FBXL7: variants seen among roughly 807,000 people sequenced by gnomAD.
FBXL7 encodes the protein F-box/LRR-repeat protein 7.
FBXL7 carries 12 observed loss-of-function variants against 38.3 expected under a neutral mutation model. The ratio of observed to expected loss-of-function variants is 0.31; its 90% CI spans 0.20 to 0.51. The LOEUF (loss-of-function observed/expected upper bound fraction) is 0.51, where lower values mean the gene tolerates loss of function less well. FBXL7 is among the 20% of genes least tolerant of loss of function. The pLI is 0.98. For synonymous variants in FBXL7, 297 were observed against 300.9 expected (o/e 0.99, Z 0.13); for missense variants, 567 against 676.4 (o/e 0.84, Z 1.79).
chr5:15,524,470 A>G (rs1737194864), intron 1 of FBXL7, among the ~76,000 whole-genome samples: 1 of 152,184 alleles, frequency 6.6e-6, no homozygotes, highest in Non-Finnish European at 1.5e-5. Flanking sequence ...TCTCTTTTGA[A>G]TCAAAATGGT....
At chr5:15,795,274 T>C (rs1163997481) in intron 2 of FBXL7, among the ~76,000 whole-genome samples, 2 of 152,194 alleles carry the variant, frequency 1.3e-5, no homozygotes, top group Non-Finnish European at 2.9e-5. Flanking sequence ...GAGGAAGTAA[T>C]AGGTATTTAC....
intron 2 of FBXL7, among the ~76,000 whole-genome samples, chr5:15,617,888 C>G (rs1740506982): frequency 6.6e-6 from 1 of 152,196 alleles, no homozygotes; most frequent in South Asian, 2.1e-4. Flanking sequence ...GTCACCATAA[C>G]TTGTCTAATT....
rs1229176935 is a variant in FBXL7 at position 15,673,018 on chromosome 5, T to A, written c.127+56946T>A. 3.3e-5 allele frequency among the ~76,000 whole-genome samples: 5 copies of A among 152,138 alleles called. No homozygotes were observed. The East Asian group carries it at 9.7e-4, about 29-fold the overall frequency. ...GTTCTGAACGGTATTCCGTGGAGTT[T>A]CCTTGGATCCTTAAAACCCATATAG... On this transcript the variant is annotated intron_variant, in intron 2 of 3. Coordinates refer to ENST00000504595, the MANE Select transcript of FBXL7 (RefSeq NM_012304.5).
intron 2 of FBXL7, among the ~76,000 whole-genome samples, chr5:15,879,107 C>G (rs1329126050): frequency 6.6e-6 from 1 of 152,266 alleles, no homozygotes; most frequent in South Asian, 2.1e-4. Context: ...ATGATGAAAG[C>G]TAGTGCATTA....
chr5:15,847,900 G>T (rs1738961470), intron 2 of FBXL7, among the ~76,000 whole-genome samples: 1 of 152,150 alleles, frequency 6.6e-6, no homozygotes, highest in African/African-American at 2.4e-5. Flanking sequence ...TAGTCTTACT[G>T]CCAAAAGGAC....
chr5:15,899,829 G>A (rs1741192369), intron 2 of FBXL7, among the ~76,000 whole-genome samples: 1 of 152,100 alleles, frequency 6.6e-6, no homozygotes, highest in African/African-American at 2.4e-5. Context: ...CTTATTATAA[G>A]AATGTTGGTG....
chr5:15,652,092 T>C (rs1336256303), intron 2 of FBXL7, among the ~76,000 whole-genome samples: 1 of 152,186 alleles, frequency 6.6e-6, no homozygotes, highest in Admixed American at 6.5e-5. Context: ...TCAATCTTCA[T>C]AGAATTAAAG....
At chr5:15,922,427 C>T (rs1156357474) in intron 2 of FBXL7, among the ~76,000 whole-genome samples, 1 of 152,026 alleles carries the variant, frequency 6.6e-6, no homozygotes, top group Admixed American at 6.6e-5. Context: ...TGTTTCTTGC[C>T]AGGGATGCTG....
chr5:15,600,110 A>G (rs1739746594), intron 1 of FBXL7, among the ~76,000 whole-genome samples: 1 of 152,224 alleles, frequency 6.6e-6, no homozygotes, highest in Non-Finnish European at 1.5e-5. Flanking sequence ...TGGCAGCATT[A>G]GGATTATCCA....
rs4365838 is a variant in FBXL7 at position 15,924,026 on chromosome 5, C to A, written c.128-3864C>A. 5.0e-3 allele frequency among the ~76,000 whole-genome samples: 766 copies of A among 152,166 alleles called. 23 individuals are homozygous for A. Among genetic ancestry groups the A allele is most frequent in the Admixed American group, 0.043 (660 of 15,270 alleles). On this transcript the variant is annotated intron_variant, in intron 2 of 3. Transcript: ENST00000504595. ...GCCTAGGATTGTCTTTCCCTCCTGG[C>A]CCAAAATAAGTTGTTCACCTGCCTC...
chr5:15,731,270 C>A (rs1041623886), intron 2 of FBXL7, among the ~76,000 whole-genome samples: 1 of 152,160 alleles, frequency 6.6e-6, no homozygotes, highest in African/African-American at 2.4e-5. Flanking sequence ...GGAGAACTCA[C>A]AGTTCCACGT....
At position 15,785,301 on chromosome 5, in the gene FBXL7, T is replaced by C. The variant is rs566147529; in HGVS notation, c.128-142589T>C. Among the ~76,000 whole-genome samples, 5 of 152,294 alleles carry C rather than the reference T, an allele frequency of 3.3e-5. No homozygotes were observed. In the South Asian group the frequency reaches 6.2e-4, roughly 19 times the overall value. On this transcript the variant is annotated intron_variant, in intron 2 of 3. Coordinates refer to ENST00000504595, the MANE Select transcript of FBXL7 (RefSeq NM_012304.5). The stretch of plus-strand genomic sequence containing the variant: ...AGGTCTTCAGAAGACCTATTTTCTC[T>C]TGTAGAGGTTTCAGGGGCACTTGGT...
intron 2 of FBXL7, among the ~76,000 whole-genome samples, chr5:15,744,486 A>G (rs532718349): frequency 6.6e-6 from 1 of 152,276 alleles, no homozygotes; most frequent in Non-Finnish European, 1.5e-5. Context: ...AGACCATTCA[A>G]CAAGTCTCTA....
chr5:15,556,514 C>T lies in FBXL7; in HGVS notation c.37+55801C>T, dbSNP rs116664008. ...AATAAAGTTTTACCAGTTATCTGGGCGTCCCGTGGTCCAGTCAAGTTGACC... is the reference window on the plus strand; with the variant it reads ...AATAAAGTTTTACCAGTTATCTGGGTGTCCCGTGGTCCAGTCAAGTTGACC... On this transcript the variant is annotated intron_variant, in intron 1 of 3. Coordinates refer to ENST00000504595, the MANE Select transcript of FBXL7 (RefSeq NM_012304.5). Among the ~76,000 whole-genome samples the T allele has an allele frequency of 3.5e-3, 537 of 152,212 alleles. 2 individuals are homozygous for T. Among genetic ancestry groups the T allele is most frequent in the African/African-American group, 0.012 (506 of 41,550 alleles).
intron 2 of FBXL7, among the ~76,000 whole-genome samples, chr5:15,639,726 G>T (rs1741298031): frequency 6.6e-6 from 1 of 151,648 alleles, no homozygotes; most frequent in Admixed American, 6.6e-5. Context: ...ATACATGTAA[G>T]GGCTACTAGA....
chr5:15,831,850 G>A (rs1738463962), intron 2 of FBXL7, among the ~76,000 whole-genome samples: 1 of 152,088 alleles, frequency 6.6e-6, no homozygotes, highest in Admixed American at 6.5e-5. Context: ...ACCCATGGCA[G>A]CCCCAGGTTG....
intron 1 of FBXL7, among the ~76,000 whole-genome samples, chr5:15,609,257 C>T (rs1287715932): frequency 6.6e-6 from 1 of 152,160 alleles, no homozygotes; most frequent in East Asian, 1.9e-4. Flanking sequence ...CCGCTGCCTG[C>T]TTCTCACACT....
intron 2 of FBXL7, among the ~76,000 whole-genome samples, chr5:15,650,785 T>C (rs1044607005): frequency 3.9e-5 from 6 of 152,208 alleles, no homozygotes; most frequent in African/African-American, 1.4e-4. Flanking sequence ...CTCCTCTTCT[T>C]TTCAAGTTTG....
chr5:15,689,433 A>G (rs1743117152), intron 2 of FBXL7, among the ~76,000 whole-genome samples: 1 of 152,130 alleles, frequency 6.6e-6, no homozygotes, highest in African/African-American at 2.4e-5. Context: ...TTAAGCATCT[A>G]AAACCAGTAT....
Sources: gnomAD v4.1 joint callset for allele counts (sites outside exome capture counted in the v4.1 genomes callset) on GRCh38, gnomAD v4.1.1 for gene constraint, MANE v1.5 for transcripts, NCBI Gene and HGNC (gene_info 2026-07-23, HGNC 2026-07-21) for gene names.